Variants in FLNC observed in about 807,000 individuals in gnomAD.
The protein encoded by FLNC is filamin-C.
FLNC carries 91 observed loss-of-function variants against 254.3 expected under a neutral mutation model. The ratio of observed to expected loss-of-function variants is 0.36; its 90% CI spans 0.30 to 0.43. The LOEUF (loss-of-function observed/expected upper bound fraction) is 0.43, where lower values mean the gene tolerates loss of function less well. Among genes scored for constraint, FLNC ranks in the 20% least tolerant of loss-of-function variants. The pLI is 1.00. For missense variants in FLNC, 2,853 were observed against 3,802.6 expected (o/e 0.75, Z 6.57); for synonymous variants, 1,430 against 1,577.2 (o/e 0.91, Z 2.21).
At chr7:128,846,255 TGGG>T in intron 22 of FLNC, 43 bp from the exon 23 acceptor site, 1 of 1,612,408 alleles carries the variant, frequency 6.2e-7, no homozygotes, top group Non-Finnish European at 8.5e-7. Flanking sequence ...GGAGGGGTGG[TGGG>T]GGCGCACACT....
At position 128,843,377 on chromosome 7, in the gene FLNC, G is replaced by T. The variant is rs1466854948; in HGVS notation, c.2642-31G>T. On this transcript the variant is annotated intron_variant, in intron 17 of 47. Coordinates refer to ENST00000325888, the MANE Select transcript of FLNC (RefSeq NM_001458.5). Reference sequence around the variant, plus strand: ...GAGGTTGGGGTTAGGTGGCTGCCAGGCCCTCACCACATCTCTGGGTGGGTC... The same window carrying T: ...GAGGTTGGGGTTAGGTGGCTGCCAGTCCCTCACCACATCTCTGGGTGGGTC... 2.5e-6 allele frequency: 4 copies of T among 1,613,616 alleles called. No homozygotes were observed. In the South Asian group the frequency reaches 4.4e-5, roughly 18 times the overall value.
In FLNC at chr7:128,858,818, G is replaced by A; in HGVS notation, c.*295G>A. On this transcript the variant is annotated 3_prime_UTR_variant, in exon 48 of 48. Coordinates refer to ENST00000325888, the MANE Select transcript of FLNC (RefSeq NM_001458.5). This position sits in a 1 kb window ranked among gnomAD's most constrained non-coding sequence, Gnocchi z 6.7. ...ACAAGGGGCTGGCGAGGGCTGCGAG[G>A]CCAGGGAAGCCCTGAGTTTCTGGCG... 1 of 489,290 alleles carries A rather than the reference G, an allele frequency of 2.0e-6. No individual in the cohort carries two copies. The highest frequency in any genetic ancestry group is 3.7e-6 in the Non-Finnish European group (1 of 266,930). The allele number at this position is 489,290 out of a possible 1,614,324, so 30.3% of individuals were successfully genotyped here.
In FLNC at chr7:128,835,265, G is replaced by A; in HGVS notation, c.353-61G>A. On this transcript the variant is annotated intron_variant, in intron 1 of 47. Transcript: ENST00000325888. This position sits in a 1 kb window ranked among gnomAD's most constrained non-coding sequence, Gnocchi z 5.3. ...CGAGGAGCTGCGCAGGTGAGGGAGG[G>A]TGCTCTGGGGCAGTGGAGGGTGGGG... The A allele has an allele frequency of 6.2e-7, 1 of 1,610,036 alleles. No homozygotes were observed. Among genetic ancestry groups the A allele is most frequent in the Non-Finnish European group, 8.5e-7 (1 of 1,179,100 alleles).
Position 128,835,681 on chromosome 7 carries a change from T to C in FLNC, c.601+107T>C. On this transcript the variant is annotated intron_variant, in intron 2 of 47. Transcript: ENST00000325888. The surrounding 1 kb of genome is among the most constrained non-coding windows in gnomAD (Gnocchi z 5.3). ...TTGTCAGAATGCACACCCTGGGGCCTGGGGGCCAGGATCCCCTGCAGGGTT... is the reference window on the plus strand; with the variant it reads ...TTGTCAGAATGCACACCCTGGGGCCCGGGGGCCAGGATCCCCTGCAGGGTT... The C allele has an allele frequency of 7.7e-7, 1 of 1,293,072 alleles. No homozygotes were observed. The highest frequency in any genetic ancestry group is 1.1e-6 in the Non-Finnish European group (1 of 915,814). The allele number at this position is 1,293,072 out of a possible 1,614,324, so 80.1% of individuals were successfully genotyped here.
chr7:128,831,942 AC>A (rs1807910332), intron 1 of FLNC, among the ~76,000 whole-genome samples: 1 of 144,972 alleles, frequency 6.9e-6, no homozygotes, highest in Non-Finnish European at 1.5e-5. Context: ...CCCCCCGCCC[AC>A]CCCTGTGGAG....
At position 128,849,571 on chromosome 7, in the gene FLNC, A is replaced by G; in HGVS notation, c.5192A>G (p.His1731Arg). ...GAGCACATCCCCAACAGCCCCTTCC[A>G]CGTGCTGGTAAGTTCTGTAGCCACA... Reference protein sequence around the residue: ...GGEHIPNSPFHVLACDPLPHE... With the variant: ...GGEHIPNSPFRVLACDPLPHE... The change falls in exon 30 of 48, where the codon CAC (histidine) becomes CGC (arginine). Residue 1731 changes from histidine to arginine, a missense_variant. By Grantham distance (29) the His-to-Arg change is conservative (BLOSUM62 0). Transcript: ENST00000325888. 6.2e-7 allele frequency: 1 copy of G among 1,613,850 alleles called. No homozygotes were observed. Among genetic ancestry groups the G allele is most frequent in the Non-Finnish European group, 8.5e-7 (1 of 1,179,984 alleles).
Position 128,843,907 on chromosome 7 carries a change from A to C in FLNC, c.2923A>C (p.Asn975His). The change falls in exon 19 of 48, where the codon AAT becomes CAT. Residue 975 changes from asparagine (N) to histidine (H), a missense_variant. Physicochemically the swap from Asn to His is moderately conservative, Grantham distance 68. Around this residue, in one of 10 missense-constraint regions of FLNC, gnomAD observed 1,573 missense variants for 1,883.5 expected, o/e 0.84. Transcript: ENST00000325888. The stretch of plus-strand genomic sequence containing the variant: ...CAGCAAAATCAAAGTTCAGGGCCTT[A>C]ATAGCAGTAAGTGGGGCAAGAGCCA... ...DLSKIKVQGL[N>H]SKVAVGQEQA... is the part of the protein sequence containing the mutation. 1 of 1,614,066 alleles carries C rather than the reference A, an allele frequency of 6.2e-7. No homozygotes were observed. The highest frequency in any genetic ancestry group is 8.5e-7 in the Non-Finnish European group (1 of 1,180,002).
In FLNC at chr7:128,844,024, C is replaced by A; in HGVS notation, c.2950C>A (p.Gln984Lys). ...LNSKVAVGQE[Q>K]AFSVNTRGAG... ...CGCAGAGGTGGCTGTGGGACAGGAA[C>A]AAGCATTCTCTGTGAACACACGAGG... Residue 984 changes from glutamine (Q) to lysine (K), a missense_variant, in exon 20 of 48, where the codon CAA (glutamine) becomes AAA (lysine). Around this residue, in one of 10 missense-constraint regions of FLNC, gnomAD observed 1,573 missense variants for 1,883.5 expected, o/e 0.84. Transcript: ENST00000325888. 3.1e-6 allele frequency: 5 copies of A among 1,614,138 alleles called. No individual in the cohort carries two copies. Among genetic ancestry groups the A allele is most frequent in the Non-Finnish European group, 4.2e-6 (5 of 1,180,056 alleles).
Position 128,840,906 on chromosome 7 carries a change from T to G in FLNC, c.1749T>G (p.Thr583=). ...GGGCCTGGGGTCCTGGTTTGGAGAC[T>G]GGCCAGGTGGGCAAGTCAGCCGATT... ...KVRAWGPGLE[T]GQVGKSADFV... is the part of the protein sequence containing the mutation. Residue 583 remains threonine, a synonymous_variant, in exon 11 of 48, where the codon ACT becomes ACG. Coordinates refer to ENST00000325888, the MANE Select transcript of FLNC (RefSeq NM_001458.5). 6.2e-7 allele frequency: 1 copy of G among 1,612,740 alleles called. No homozygotes were observed. Among genetic ancestry groups the G allele is most frequent in the Non-Finnish European group, 8.5e-7 (1 of 1,179,580 alleles).
Position 128,840,037 on chromosome 7 carries a change from G to T in FLNC, c.1426G>T (p.Ala476Ser), listed in dbSNP as rs746359389. ...TCCTCCCCTAGCCTGTAACCCCAAC[G>T]CCTGCCGCGCCTCTGGGCGAGGCCT... is the stretch of plus-strand genomic sequence containing the variant. ...VHVSEACNPNACRASGRGLQP... is the reference protein window; with the variant it reads ...VHVSEACNPNSCRASGRGLQP... The change falls in exon 9 of 48, where the codon GCC becomes TCC. Residue 476 changes from alanine to serine, a missense_variant. This residue lies in a region of FLNC where 1,573 missense variants were observed against 1,883.5 expected (regional missense o/e 0.84). Coordinates refer to ENST00000325888, the MANE Select transcript of FLNC (RefSeq NM_001458.5). 5.6e-6 allele frequency: 9 copies of T among 1,613,572 alleles called. No individual in the cohort carries two copies. The Admixed American group carries it at 1.3e-4, about 24-fold the overall frequency.
In FLNC at chr7:128,853,092, G is replaced by A. The variant is rs762674325; in HGVS notation, c.6208+61G>A. ...GTGCCTCCCACAGGCACTTGTCCTC[G>A]TCCTGCCCAGCACCCCCTTGGCCGC... On this transcript the variant is annotated intron_variant, in intron 37 of 47. Coordinates refer to ENST00000325888, the MANE Select transcript of FLNC (RefSeq NM_001458.5). The A allele has an allele frequency of 8.4e-5, 125 of 1,485,542 alleles. No individual in the cohort carries two copies. The East Asian group carries it at 2.1e-3, about 25-fold the overall frequency. 92.0% of individuals were successfully genotyped at this position (1,485,542 alleles called of 1,614,324 possible).
Position 128,848,907 on chromosome 7 carries a change from G to A in FLNC, c.4852G>A (p.Gly1618Ser), listed in dbSNP as rs367824027. 6 of 1,613,732 alleles carry A rather than the reference G, an allele frequency of 3.7e-6. No homozygotes were observed. The highest frequency in any genetic ancestry group is 2.2e-5 in the South Asian group (2 of 91,084). Residue 1618 changes from glycine to serine, a missense_variant, in exon 28 of 48, where the codon GGT (glycine) becomes AGT (serine). Gly to Ser is a moderately conservative substitution (Grantham distance 56). Transcript: ENST00000325888. ...GTACACCATCACCATCAAGTATGGCGGTGATGAGATCCCCTACTCGCCCTT... is the reference window on the plus strand; with the variant it reads ...GTACACCATCACCATCAAGTATGGCAGTGATGAGATCCCCTACTCGCCCTT... ...GRYTITIKYG[G>S]DEIPYSPFRI...
chr7:128,844,840 G>A lies in FLNC; in HGVS notation c.3375G>A (p.Glu1125=), dbSNP rs1317937683. ...GTGCTGTCAGCTACCTGCCCACGGA[G>A]CCTGGCGAGTACACCATCAACATCC... ...GSCAVSYLPT[E]PGEYTINILF... Residue 1125 remains glutamate, a synonymous_variant, in exon 21 of 48, where the codon GAG becomes GAA. Coordinates refer to ENST00000325888, the MANE Select transcript of FLNC (RefSeq NM_001458.5). 2.5e-6 allele frequency: 4 copies of A among 1,614,006 alleles called. No individual in the cohort carries two copies. The South Asian group carries it at 3.3e-5, about 13-fold the overall frequency.
chr7:128,850,934 C>A lies in FLNC; in HGVS notation c.5530C>A (p.His1844Asn), dbSNP rs1427988190. The change falls in exon 33 of 48, where the codon CAC (histidine) becomes AAC (asparagine). Residue 1844 changes from histidine (H) to asparagine (N), a missense_variant. Physicochemically the swap from His to Asn is moderately conservative, Grantham distance 68. Coordinates refer to ENST00000325888, the MANE Select transcript of FLNC (RefSeq NM_001458.5). Reference protein sequence around the residue: ...HQMGIKYDGNHIPGSPLQFYV... With the variant: ...HQMGIKYDGNNIPGSPLQFYV... ...GATGGGGATCAAGTATGACGGCAAC[C>A]ACATCCCTGGTGAGTTAGGGGCTGG... 1.9e-6 allele frequency: 3 copies of A among 1,613,590 alleles called. No individual in the cohort carries two copies. Among genetic ancestry groups the A allele is most frequent in the Non-Finnish European group, 2.5e-6 (3 of 1,179,948 alleles).
Position 128,857,080 on chromosome 7 carries a change from C to G in FLNC, c.7562-38C>G, listed in dbSNP as rs776982051. On this transcript the variant is annotated intron_variant, in intron 45 of 47. Coordinates refer to ENST00000325888, the MANE Select transcript of FLNC (RefSeq NM_001458.5). This position sits in a 1 kb window ranked among gnomAD's most constrained non-coding sequence, Gnocchi z 4.5. ...GGCCCAGTCCCTCTTGGGCCACAAGCCCTTCCTGCCCTCAGCCTTGCTACC... is the reference window on the plus strand; with the variant it reads ...GGCCCAGTCCCTCTTGGGCCACAAGGCCTTCCTGCCCTCAGCCTTGCTACC... 7 of 1,600,698 alleles carry G rather than the reference C, an allele frequency of 4.4e-6. No individual in the cohort carries two copies. The East Asian group carries it at 1.6e-4, about 36-fold the overall frequency.
At chr7:128,839,904 C>T in intron 8 of FLNC, 119 bp from the exon 9 acceptor site, 1 of 1,306,664 alleles carries the variant, frequency 7.7e-7, no homozygotes, top group Non-Finnish European at 1.1e-6. Context: ...GGCTCCAGAG[C>T]AGGGCCGTGG....
chr7:128,849,307 TG>T, intron 29 of FLNC, 23 bp from the exon 30 acceptor site: 26 of 1,614,082 alleles, frequency 1.6e-5, no homozygotes, highest in Non-Finnish European at 2.2e-5. Flanking sequence ...ACCAGCTCCC[TG>T]AGCAGGATCT....
chr7:128,850,162 A>T, intron 31 of FLNC, 88 bp downstream of exon 31: 1 of 1,225,436 alleles, frequency 8.2e-7, no homozygotes, highest in South Asian at 1.3e-5. Context: ...GGGCGGGGAC[A>T]TGGTCTGGGG....
rs375046429 is a variant in FLNC, at chr7:128,852,693, G to A, written c.5945G>A (p.Arg1982His). ...CTGAGCCAGCTGACCGCCAGCATCCGTGCCCCCTCGGGCAACGAGGAGCCC... is the reference window on the plus strand; with the variant it reads ...CTGAGCCAGCTGACCGCCAGCATCCATGCCCCCTCGGGCAACGAGGAGCCC... ...SDLSQLTASI[R>H]APSGNEEPCL... The change falls in exon 36 of 48, where the codon CGT becomes CAT. Residue 1982 changes from arginine (R) to histidine (H), a missense_variant. Around this residue, in one of 10 missense-constraint regions of FLNC, gnomAD observed 551 missense variants for 835.0 expected, o/e 0.66. Transcript: ENST00000325888. The A allele has an allele frequency of 2.3e-5, 37 of 1,613,154 alleles. No homozygotes were observed. Among genetic ancestry groups the A allele is most frequent in the South Asian group, 3.3e-5 (3 of 91,084 alleles).
Sources: allele counts gnomAD v4.1 joint callset (sites outside exome capture counted in the v4.1 genomes callset), GRCh38; gene constraint gnomAD v4.1.1; regional missense constraint gnomAD v4.1.1; non-coding constraint Gnocchi (gnomAD v3.1); transcripts MANE v1.5; gene names NCBI Gene and HGNC (gene_info 2026-07-23, HGNC 2026-07-21).